The following SV2C variants were observed in gnomAD, a reference collection of about 807,000 sequenced individuals.
The protein encoded by SV2C is solute carrier family 22 member B3.
In SV2C, 49 loss-of-function variants were observed where a neutral mutation model predicts 79.7. The ratio of observed to expected loss-of-function variants is 0.61; its 90% CI spans 0.49 to 0.78. The LOEUF (loss-of-function observed/expected upper bound fraction) is 0.78. Among genes scored for constraint, SV2C ranks in the 30% least tolerant of loss-of-function variants. The pLI, the probability that SV2C is intolerant of heterozygous loss-of-function variation, is 0.00. For synonymous variants in SV2C, 334 were observed against 333.2 expected, an observed-to-expected ratio of 1.00 and a Z score of -0.03; for missense variants, 833 against 912.9, an observed-to-expected ratio of 0.91 and a Z score of 1.13.
At chr5:76,334,359 T>C (rs946429502), downstream of SV2C, among the ~76,000 whole-genome samples, 1 of 152,082 alleles carries the variant, frequency 6.6e-6, no homozygotes, top group Non-Finnish European at 1.5e-5. Context: ...CAGACTTAAA[T>C]GCCACATATT....
the SV2C span, among the ~76,000 whole-genome samples, chr5:75,974,448 C>T: frequency 3.9e-5 from 6 of 152,092 alleles, no homozygotes; most frequent in Non-Finnish European, 8.8e-5. Context: ...ATATCCTTTG[C>T]TGATACCATT....
the SV2C span, among the ~76,000 whole-genome samples, chr5:75,894,806 C>G: frequency 6.6e-6 from 1 of 152,064 alleles, no homozygotes; most frequent in South Asian, 2.1e-4. Context: ...TCCTGGGAAT[C>G]TAGAAGGCCA....
chr5:76,045,941 C>A, the SV2C span, among the ~76,000 whole-genome samples: 1 of 152,156 alleles, frequency 6.6e-6, no homozygotes, highest in Non-Finnish European at 1.5e-5. Context: ...TTAATTCACT[C>A]TCCAAATACT....
chr5:76,015,434 T>C, the SV2C span, among the ~76,000 whole-genome samples: 26 of 152,348 alleles, frequency 1.7e-4, no homozygotes, highest in African/African-American at 6.3e-4. Flanking sequence ...AAGGTGCTAG[T>C]ATCCTGGATC....
the SV2C span, among the ~76,000 whole-genome samples, chr5:75,886,283 T>G: frequency 1.3e-5 from 2 of 152,158 alleles, no homozygotes; most frequent in Non-Finnish European, 2.9e-5. Flanking sequence ...GAAATCATAT[T>G]CTGTCTCTTT....
chr5:76,018,013 A>G, the SV2C span, among the ~76,000 whole-genome samples: 7 of 152,250 alleles, frequency 4.6e-5, no homozygotes, highest in Non-Finnish European at 1.0e-4. Context: ...CCACAGCCTC[A>G]TGATTTTAGA....
At chr5:76,044,988 C>T in the SV2C span, among the ~76,000 whole-genome samples, 1 of 152,120 alleles carries the variant, frequency 6.6e-6, no homozygotes, top group African/African-American at 2.4e-5. Context: ...GGAATCTTTG[C>T]CCCTGCCTAT....
the SV2C span, among the ~76,000 whole-genome samples, chr5:75,975,025 A>G: frequency 6.6e-6 from 1 of 152,184 alleles, no homozygotes; most frequent in African/African-American, 2.4e-5. Flanking sequence ...GCTGATTCCC[A>G]TAAACTGATA....
chr5:76,131,558 G>T, intron 1 of SV2C, 92 bp from the exon 2 acceptor site: 11 of 375,252 alleles, frequency 2.9e-5, no homozygotes, highest in East Asian at 4.2e-5. Flanking sequence ...GTTGTAGTTT[G>T]TGGGACACTG....
upstream of SV2C, among the ~76,000 whole-genome samples, chr5:76,082,558 CCTTTCTTTCTTTCTCTTTTTCTTT>C (rs1393960224): frequency 6.6e-6 from 1 of 151,290 alleles, no homozygotes; most frequent in Non-Finnish European, 1.5e-5. Context: ...CCCTCCTCCT[CCTTTCTTTCTTTCTCTTTTTCTTT>C]CTTTCTTTCT....
At chr5:76,079,670 C>T, upstream of SV2C, 1 of 330,562 alleles carries the variant, frequency 3.0e-6, no homozygotes, top group South Asian at 3.5e-5. Flanking sequence ...GCTTGGGTGC[C>T]TGTATTGCCT....
chr5:76,001,250 C>A, the SV2C span, among the ~76,000 whole-genome samples: 1 of 152,060 alleles, frequency 6.6e-6, no homozygotes, highest in Non-Finnish European at 1.5e-5. Flanking sequence ...CAGAGGGTGG[C>A]TCAGAGGGCT....
chr5:76,018,203 T>C, the SV2C span, among the ~76,000 whole-genome samples: 3 of 152,204 alleles, frequency 2.0e-5, no homozygotes, highest in Non-Finnish European at 4.4e-5. Context: ...TTCATCTTGA[T>C]TAAATTAGTA....
the SV2C span, among the ~76,000 whole-genome samples, chr5:76,032,474 A>C: frequency 6.6e-6 from 1 of 151,476 alleles, no homozygotes; most frequent in Non-Finnish European, 1.5e-5. Flanking sequence ...TTCAATTCCC[A>C]CCTATGAGTG....
the SV2C span, among the ~76,000 whole-genome samples, chr5:75,988,476 G>A: frequency 6.6e-6 from 1 of 151,996 alleles, no homozygotes. Context: ...GACCTGGAGG[G>A]AAATCTGAAC....
At chr5:76,129,677 T>C (rs1316851251) in intron 1 of SV2C, among the ~76,000 whole-genome samples, 1 of 152,176 alleles carries the variant, frequency 6.6e-6, no homozygotes, top group East Asian at 1.9e-4. Context: ...AGGATACCTG[T>C]GGCTGAGGAC....
intron 2 of SV2C, among the ~76,000 whole-genome samples, chr5:76,144,688 C>G (rs995464442): frequency 6.6e-6 from 1 of 152,132 alleles, no homozygotes; most frequent in African/African-American, 2.4e-5. Context: ...CTTCCAAGAA[C>G]TGAGGGCAGA....
chr5:76,064,737 A>T, the SV2C span, among the ~76,000 whole-genome samples: 1 of 152,192 alleles, frequency 6.6e-6, no homozygotes, highest in Non-Finnish European at 1.5e-5. Context: ...TGAGATGGTC[A>T]GAAGGTTAAG....
chr5:76,037,298 T>A, the SV2C span, among the ~76,000 whole-genome samples: 1 of 152,270 alleles, frequency 6.6e-6, no homozygotes, highest in African/African-American at 2.4e-5. Flanking sequence ...GGAACTTCGT[T>A]CCTTTGGAGG....
Sources: gnomAD v4.1 joint callset for allele counts (sites outside exome capture counted in the v4.1 genomes callset) on GRCh38, gnomAD v4.1.1 for gene constraint, MANE v1.5 for transcripts, NCBI Gene and HGNC (gene_info 2026-07-23, HGNC 2026-07-21) for gene names.